Variants in CSMD1 observed in about 807,000 individuals in gnomAD.
CSMD1 encodes CUB and Sushi multiple domains 1, also known as CUB and sushi domain-containing protein 1.
Under a neutral mutation model 417.5 loss-of-function variants are expected in CSMD1, and 213 were observed. The observed-to-expected ratio is 0.51, with a 90% CI of 0.46 to 0.57. CSMD1 has a LOEUF of 0.57. CSMD1 is among the 20% of genes least tolerant of loss of function. CSMD1 has a pLI of 0.00. For missense variants in CSMD1, 6,923 were observed against 4,529.7 expected, an observed-to-expected ratio of 1.53 and a Z score of -15.17; for synonymous variants, 2,862 against 1,736.8, an observed-to-expected ratio of 1.65 and a Z score of -16.11.
intron 52 of CSMD1, among the ~76,000 whole-genome samples, chr8:3,003,784 G>A (rs610051): frequency 6.6e-6 from 1 of 152,226 alleles, no homozygotes; most frequent in African/African-American, 2.4e-5. Context: ...GGTGAAAGAG[G>A]TGGCATTTAA....
intron 5 of CSMD1, among the ~76,000 whole-genome samples, chr8:3,989,652 G>A (rs145035299): frequency 1.3e-5 from 2 of 152,150 alleles, no homozygotes; most frequent in Non-Finnish European, 2.9e-5. Flanking sequence ...TCTTTATGAT[G>A]TATATGTTTA....
intron 4 of CSMD1, among the ~76,000 whole-genome samples, chr8:4,023,639 T>C (rs1004800365): frequency 6.7e-6 from 1 of 149,234 alleles, no homozygotes; most frequent in East Asian, 2.0e-4. Context: ...CAGGCTAGAG[T>C]GCAGTGGCGC....
intron 1 of CSMD1, among the ~76,000 whole-genome samples, chr8:4,953,024 G>C (rs1034259092): frequency 4.0e-5 from 6 of 151,836 alleles, no homozygotes; most frequent in African/African-American, 1.5e-4. Flanking sequence ...TTCCACATGT[G>C]AGATGAGAGT....
intron 3 of CSMD1, among the ~76,000 whole-genome samples, chr8:4,396,951 T>C (rs1312337161): frequency 6.6e-6 from 1 of 151,826 alleles, no homozygotes; most frequent in Non-Finnish European, 1.5e-5. Context: ...GGGTGATGAG[T>C]GCACCAAAGT....
intron 3 of CSMD1, among the ~76,000 whole-genome samples, chr8:4,349,638 A>T (rs1040795965): frequency 6.6e-6 from 1 of 152,322 alleles, no homozygotes; most frequent in Admixed American, 6.5e-5. Context: ...TCACAATTGC[A>T]TACCTTCATA....
intron 2 of CSMD1, among the ~76,000 whole-genome samples, chr8:4,506,744 T>C (rs979325025): frequency 1.3e-5 from 2 of 152,198 alleles, no homozygotes; most frequent in Non-Finnish European, 1.5e-5. Flanking sequence ...CATCAGCTTA[T>C]ATATGGTTAA....
At chr8:3,386,635 T>G (rs1811019980) in intron 18 of CSMD1, among the ~76,000 whole-genome samples, 1 of 152,234 alleles carries the variant, frequency 6.6e-6, no homozygotes, top group Admixed American at 6.5e-5. Flanking sequence ...GAAATACCTT[T>G]GTCTGTGAAA....
intron 10 of CSMD1, among the ~76,000 whole-genome samples, chr8:3,523,487 A>C (rs1370922011): frequency 1.3e-5 from 2 of 152,148 alleles, no homozygotes; most frequent in Non-Finnish European, 2.9e-5. Context: ...CCACCTGTGG[A>C]TGGCTGGCAG....
intron 1 of CSMD1, among the ~76,000 whole-genome samples, chr8:4,696,625 A>T (rs1277037162): frequency 6.6e-6 from 1 of 152,174 alleles, no homozygotes; most frequent in Non-Finnish European, 1.5e-5. Flanking sequence ...CAAACAACGT[A>T]TTTCATACTT....
intron 3 of CSMD1, among the ~76,000 whole-genome samples, chr8:4,334,790 G>A (rs148750538): frequency 6.6e-6 from 1 of 151,970 alleles, no homozygotes; most frequent in South Asian, 2.1e-4. Flanking sequence ...AGTCTGTTTG[G>A]GCTGCTATGA....
chr8:4,269,747 C>A (rs1804454654), intron 3 of CSMD1, among the ~76,000 whole-genome samples: 2 of 152,158 alleles, frequency 1.3e-5, no homozygotes, highest in South Asian at 2.1e-4. Flanking sequence ...CTACTTAAAA[C>A]ACTGCAAAAT....
intron 3 of CSMD1, among the ~76,000 whole-genome samples, chr8:4,374,552 C>T (rs1283715835): frequency 2.6e-5 from 4 of 152,006 alleles, no homozygotes; most frequent in Admixed American, 1.3e-4. Flanking sequence ...CCCACTCAAG[C>T]GACTCACACT....
intron 65 of CSMD1, among the ~76,000 whole-genome samples, chr8:2,953,809 T>C (rs1168154352): frequency 6.6e-6 from 1 of 152,232 alleles, no homozygotes; most frequent in Non-Finnish European, 1.5e-5. Flanking sequence ...TTGGGCTCCA[T>C]GTCTGAACTG....
At chr8:4,533,264 G>T (rs1379936414) in intron 2 of CSMD1, among the ~76,000 whole-genome samples, 1 of 152,178 alleles carries the variant, frequency 6.6e-6, no homozygotes, top group Admixed American at 6.5e-5. Context: ...GGTAGAGACG[G>T]CCGCTTGCTC....
At chr8:4,701,205 G>A (rs1243202758) in intron 1 of CSMD1, among the ~76,000 whole-genome samples, 1 of 151,954 alleles carries the variant, frequency 6.6e-6, no homozygotes, top group Non-Finnish European at 1.5e-5. Context: ...CCTAGTTCCC[G>A]ACTGTTCTTT....
intron 5 of CSMD1, among the ~76,000 whole-genome samples, chr8:3,960,283 G>T (rs575868515): frequency 6.6e-6 from 1 of 152,038 alleles, no homozygotes; most frequent in Non-Finnish European, 1.5e-5. Context: ...ATCTAATAAG[G>T]AATTTAGCAA....
chr8:3,600,523 G>A (rs1192793082), intron 8 of CSMD1, among the ~76,000 whole-genome samples: 1 of 152,180 alleles, frequency 6.6e-6, no homozygotes, highest in Admixed American at 6.5e-5. Context: ...ACCACTCAGA[G>A]ACTATGAAAT....
intron 2 of CSMD1, among the ~76,000 whole-genome samples, chr8:4,622,334 C>T (rs1232618066): frequency 6.6e-6 from 1 of 152,072 alleles, no homozygotes; most frequent in African/African-American, 2.4e-5. Flanking sequence ...AGCAAAAATG[C>T]ATGCTGAGGC....
At chr8:3,888,359 G>C (rs752515808) in intron 5 of CSMD1, among the ~76,000 whole-genome samples, 16 of 152,154 alleles carry the variant, frequency 1.1e-4, no homozygotes, top group Non-Finnish European at 1.9e-4. Flanking sequence ...TACTCAGTCA[G>C]ATGAGCTCTA....
Sources: allele counts gnomAD v4.1 joint callset (sites outside exome capture counted in the v4.1 genomes callset), GRCh38; gene constraint gnomAD v4.1.1; transcripts MANE v1.5; gene names NCBI Gene and HGNC (gene_info 2026-07-23, HGNC 2026-07-21).